DDX53: variants seen among roughly 807,000 people sequenced by gnomAD.
DDX53 encodes the protein DEAD box protein 53.
For synonymous variants in DDX53, 179 were observed against 170.8 expected (o/e 1.05, Z -0.37); for missense variants, 481 against 485.1 (o/e 0.99, Z 0.08).
At position 23,001,555 on chromosome X, in the gene DDX53, A is replaced by C. The variant is rs1933813067; in HGVS notation, c.1498A>C (p.Asn500His). ...CATATCTGCAGAATCATTACATGGC[A>C]ACAGTGAACAGAGTGATCAAGAGCG... ...QGISAESLHG[N>H]SEQSDQERAV... Residue 500 changes from asparagine to histidine, a missense_variant, in exon 1 of 1, where the codon AAC (asparagine) becomes CAC (histidine). Physicochemically the swap from Asn to His is moderately conservative, Grantham distance 68. Transcript: ENST00000327968. 7.4e-6 allele frequency: 9 copies of C among 1,211,166 alleles called. No homozygotes were observed. The highest frequency in any genetic ancestry group is 1.0e-5 in the Non-Finnish European group (9 of 895,146).
In DDX53 at chrX:23,002,223, G is replaced by A. The variant is rs961128879; in HGVS notation, c.*270G>A. The A allele has an allele frequency of 1.3e-5, 3 of 239,472 alleles. No individual in the cohort carries two copies. Among genetic ancestry groups the A allele is most frequent in the Non-Finnish European group, 2.3e-5 (3 of 128,252 alleles). 19.7% of individuals were successfully genotyped at this position (239,472 alleles called of 1,213,427 possible). On this transcript the variant is annotated 3_prime_UTR_variant, in exon 1 of 1. Transcript: ENST00000327968. ...AAATACTTTTATTTTAGGTTTGGGGGTATATGTGAAGGTTTGTTAAAGAAA... is the reference window on the plus strand; with the variant it reads ...AAATACTTTTATTTTAGGTTTGGGGATATATGTGAAGGTTTGTTAAAGAAA...
rs1280997548 is a variant in DDX53 at position 22,999,975 on chromosome X, A to G, written c.-83A>G. 1.2e-6 allele frequency: 1 copy of G among 827,195 alleles called. No homozygotes were observed. Among genetic ancestry groups the G allele is most frequent in the Middle Eastern group, 4.9e-4 (1 of 2,039 alleles). 68.2% of individuals were successfully genotyped at this position (827,195 alleles called of 1,213,427 possible). On this transcript the variant is annotated 5_prime_UTR_variant, in exon 1 of 1. Transcript: ENST00000327968. The stretch of plus-strand genomic sequence containing the variant: ...TGCCACCGCCATCTTTTGGTGCAGA[A>G]GGTGACGGGAAACAGGCCGCAGACC...
chrX:23,000,496 G>A lies in DDX53; in HGVS notation c.439G>A (p.Ala147Thr). The change falls in exon 1 of 1, where the codon GCT becomes ACT. Residue 147 changes from alanine (A) to threonine (T), a missense_variant. Ala to Thr is a moderately conservative substitution (Grantham distance 58). Transcript: ENST00000327968. ...NLGRNDIVGE[A>T]EPLSNWDRIR... is the part of the protein sequence containing the mutation. ...AGGCAGAAATGACATTGTTGGAGAA[G>A]CTGAGCCATTGTCAAATTGGGATCG... 8.3e-7 allele frequency: 1 copy of A among 1,211,930 alleles called. No homozygotes were observed. The highest frequency in any genetic ancestry group is 1.1e-6 in the Non-Finnish European group (1 of 895,527).
Position 22,999,982 on chromosome X carries a change from G to C in DDX53, c.-76G>C. The C allele has an allele frequency of 2.3e-6, 2 of 886,850 alleles. No individual in the cohort carries two copies. The highest frequency in any genetic ancestry group is 5.0e-5 in the South Asian group (1 of 20,123). The allele number at this position is 886,850 out of a possible 1,213,427, so 73.1% of individuals were successfully genotyped here. ...GCCATCTTTTGGTGCAGAAGGTGAC[G>C]GGAAACAGGCCGCAGACCTGAACTT... On this transcript the variant is annotated 5_prime_UTR_variant, in exon 1 of 1. Transcript: ENST00000327968.
In DDX53 at chrX:23,001,647, T is replaced by A; in HGVS notation, c.1590T>A (p.Gly530=). ...ILITTDIVSR[G]LDLNDVTHVY... Reference sequence around the variant, plus strand: ...TTACAACTGATATAGTATCCCGAGGTCTTGATCTTAATGATGTCACACATG... The same window carrying A: ...TTACAACTGATATAGTATCCCGAGGACTTGATCTTAATGATGTCACACATG... Residue 530 remains glycine (G), a synonymous_variant, in exon 1 of 1, where the codon GGT becomes GGA. Transcript: ENST00000327968. 2 of 1,211,040 alleles carry A rather than the reference T, an allele frequency of 1.7e-6. No homozygotes were observed. Among genetic ancestry groups the A allele is most frequent in the Non-Finnish European group, 2.2e-6 (2 of 895,126 alleles).
chrX:23,001,696 A>C lies in DDX53; in HGVS notation c.1639A>C (p.Asn547His), dbSNP rs1933816227. ...TGTATATAATTATGATTTCCCAAGG[A>C]ATATTGACGTATATGTACACAGAGT... Reference protein sequence around the residue: ...THVYNYDFPRNIDVYVHRVGY... With the variant: ...THVYNYDFPRHIDVYVHRVGY... The change falls in exon 1 of 1, where the codon AAT becomes CAT. Residue 547 changes from asparagine (N) to histidine (H), a missense_variant. Physicochemically the swap from Asn to His is moderately conservative, Grantham distance 68. Transcript: ENST00000327968. 3.3e-6 allele frequency: 4 copies of C among 1,211,111 alleles called. No individual in the cohort carries two copies. In the East Asian group the frequency reaches 1.2e-4, roughly 36 times the overall value.
rs1933793524 is a variant in DDX53, at chrX:23,000,596, T to C, written c.539T>C (p.Ile180Thr). The change falls in exon 1 of 1, where the codon ATA becomes ACA. Residue 180 changes from isoleucine to threonine, a missense_variant. Transcript: ENST00000327968. Reference protein sequence around the residue: ...DLPPVKKNFYIESKATSCMSE... With the variant: ...DLPPVKKNFYTESKATSCMSE... ...CCACCAGTTAAGAAAAACTTTTACA[T>C]AGAATCCAAAGCAACAAGCTGCATG... 6 of 1,211,336 alleles carry C rather than the reference T, an allele frequency of 5.0e-6. No individual in the cohort carries two copies. Among genetic ancestry groups the C allele is most frequent in the South Asian group, 1.8e-5 (1 of 56,781 alleles).
In DDX53 at chrX:23,001,764, C is replaced by T. The variant is rs191706712; in HGVS notation, c.1707C>T (p.Thr569=). Residue 569 remains threonine, a synonymous_variant, in exon 1 of 1, where the codon ACC becomes ACT. Transcript: ENST00000327968. ...GRTGKTGTSV[T]LITQRDSKMA... ...CAGGAAAGACTGGCACATCAGTTACCCTCATCACTCAGAGAGATTCGAAAA... is the reference window on the plus strand; with the variant it reads ...CAGGAAAGACTGGCACATCAGTTACTCTCATCACTCAGAGAGATTCGAAAA... The T allele has an allele frequency of 2.0e-4, 239 of 1,209,390 alleles. 1 individual carries two copies. The Admixed American group carries it at 5.1e-3, about 26-fold the overall frequency.
chrX:23,001,856 T>C lies in DDX53; in HGVS notation c.1799T>C (p.Met600Thr). The change falls in exon 1 of 1, where the codon ATG becomes ACG. Residue 600 changes from methionine (M) to threonine (T), a missense_variant. By Grantham distance (81) the Met-to-Thr change is moderately conservative (BLOSUM62 -1). Coordinates refer to ENST00000327968, the MANE Select transcript of DDX53 (RefSeq NM_182699.4). ...AGTGTTCCGGAAGATCTTGTAGTAATGGCTGAGCAATACAAGTTAAATCAA... is the reference window on the plus strand; with the variant it reads ...AGTGTTCCGGAAGATCTTGTAGTAACGGCTGAGCAATACAAGTTAAATCAA... Reference protein sequence around the residue: ...NQSVPEDLVVMAEQYKLNQQK... With the variant: ...NQSVPEDLVVTAEQYKLNQQK... 2 of 1,211,323 alleles carry C rather than the reference T, an allele frequency of 1.7e-6. No homozygotes were observed. The highest frequency in any genetic ancestry group is 2.2e-6 in the Non-Finnish European group (2 of 895,324).
chrX:23,001,988 T>G lies in DDX53; in HGVS notation c.*35T>G, dbSNP rs1315158445. ...CCAGGCTACTGGAAGATTCCAGGCA[T>G]GTTAAAGATATGCAGTATTGAATAT... On this transcript the variant is annotated 3_prime_UTR_variant, in exon 1 of 1. Coordinates refer to ENST00000327968, the MANE Select transcript of DDX53 (RefSeq NM_182699.4). The G allele has an allele frequency of 2.8e-6, 3 of 1,086,760 alleles. No individual in the cohort carries two copies. The highest frequency in any genetic ancestry group is 3.7e-6 in the Non-Finnish European group (3 of 809,555). The allele number at this position is 1,086,760 out of a possible 1,213,427, so 89.6% of individuals were successfully genotyped here.
Position 23,000,957 on chromosome X carries a change from A to C in DDX53, c.900A>C (p.Leu300=), listed in dbSNP as rs1204351966. The C allele has an allele frequency of 8.3e-7, 1 of 1,209,212 alleles. No individual in the cohort carries two copies. Among genetic ancestry groups the C allele is most frequent in the Admixed American group, 2.2e-5 (1 of 45,831 alleles). Residue 300 remains leucine (L), a synonymous_variant, in exon 1 of 1, where the codon CTA becomes CTC. Transcript: ENST00000327968. The part of the protein sequence containing the change: ...SREQRNGPGM[L]VLTPTRELAL... Reference sequence around the variant, plus strand: ...AGCAAAGGAATGGGCCTGGGATGCTAGTCCTTACACCCACTAGAGAGTTGG... The same window carrying C: ...AGCAAAGGAATGGGCCTGGGATGCTCGTCCTTACACCCACTAGAGAGTTGG...
rs778660059 is a variant in DDX53 at position 23,001,735 on chromosome X, C to T, written c.1678C>T (p.Arg560Trp). 9 of 1,208,651 alleles carry T rather than the reference C, an allele frequency of 7.4e-6. No homozygotes were observed. The highest frequency in any genetic ancestry group is 5.9e-5 in the East Asian group (2 of 33,763). Residue 560 changes from arginine to tryptophan, a missense_variant, in exon 1 of 1, where the codon CGG (arginine) becomes TGG (tryptophan). By Grantham distance (101) the Arg-to-Trp change is moderately radical (BLOSUM62 -3). Transcript: ENST00000327968. ...TGTACACAGAGTAGGGTACATTGGA[C>T]GGACAGGAAAGACTGGCACATCAGT... ...VYVHRVGYIG[R>W]TGKTGTSVTL...
rs762816517 is a variant in DDX53 at position 23,001,144 on chromosome X, A to G, written c.1087A>G (p.Asn363Asp). 2 of 1,210,159 alleles carry G rather than the reference A, an allele frequency of 1.7e-6. No individual in the cohort carries two copies. The highest frequency in any genetic ancestry group is 3.5e-5 in the African/African-American group (2 of 57,300). ...PGRLNDLQMN[N>D]SVNLRSITYL... Reference sequence around the variant, plus strand: ...GAGGCTGAATGACCTACAAATGAATAACTCTGTCAACCTAAGAAGCATAAC... The same window carrying G: ...GAGGCTGAATGACCTACAAATGAATGACTCTGTCAACCTAAGAAGCATAAC... The change falls in exon 1 of 1, where the codon AAC becomes GAC. Residue 363 changes from asparagine (N) to aspartate (D), a missense_variant. Asn to Asp is a conservative substitution (Grantham distance 23). Transcript: ENST00000327968.
In DDX53 at chrX:23,001,061, G is replaced by T. The variant is rs373622053; in HGVS notation, c.1004G>T (p.Arg335Ile). 8.3e-7 allele frequency: 1 copy of T among 1,205,825 alleles called. No homozygotes were observed. Among genetic ancestry groups the T allele is most frequent in the Non-Finnish European group, 1.1e-6 (1 of 893,647 alleles). Residue 335 changes from arginine (R) to isoleucine (I), a missense_variant, in exon 1 of 1, where the codon AGA (arginine) becomes ATA (isoleucine). Coordinates refer to ENST00000327968, the MANE Select transcript of DDX53 (RefSeq NM_182699.4). ...ATTTGCATATATGGTGGTAGAAACA[G>T]AAATGGACAAATAGAAGACATTAGC... ...KSICIYGGRN[R>I]NGQIEDISKG...
chrX:23,001,257 C>T lies in DDX53; in HGVS notation c.1200C>T (p.Asp400=). 8.3e-7 allele frequency: 1 copy of T among 1,211,250 alleles called. No individual in the cohort carries two copies. Among genetic ancestry groups the T allele is most frequent in the Non-Finnish European group, 1.1e-6 (1 of 895,214 alleles). Residue 400 remains aspartate, a synonymous_variant, in exon 1 of 1, where the codon GAC becomes GAT. Transcript: ENST00000327968. Reference sequence around the variant, plus strand: ...AGATTTTATTAGATGTGCGCCCAGACCGACAGACTGTTATGACAAGTGCAA... The same window carrying T: ...AGATTTTATTAGATGTGCGCCCAGATCGACAGACTGTTATGACAAGTGCAA... ...IRKILLDVRP[D]RQTVMTSATW...
At position 23,000,210 on chromosome X, in the gene DDX53, C is replaced by G. The variant is rs904513106; in HGVS notation, c.153C>G (p.Leu51=). The G allele has an allele frequency of 1.7e-5, 20 of 1,193,744 alleles. No individual in the cohort carries two copies. The highest frequency in any genetic ancestry group is 2.1e-5 in the Non-Finnish European group (19 of 886,291). Residue 51 remains leucine (L), a synonymous_variant, in exon 1 of 1, where the codon CTC becomes CTG. Coordinates refer to ENST00000327968, the MANE Select transcript of DDX53 (RefSeq NM_182699.4). ...PRAAGSREPP[L]CFKIKNNMVG... The stretch of plus-strand genomic sequence containing the variant: ...CAGCAGGCTCCCGTGAACCACCACT[C>G]TGCTTTAAAATAAAGAACAATATGG...
Position 23,001,642 on chromosome X carries a change from C to T in DDX53, c.1585C>T (p.Arg529Ter), listed in dbSNP as rs1048145182. Reference protein sequence around the residue: ...KILITTDIVSRGLDLNDVTHV... With the variant: ...KILITTDIVS ...ACTGATTACAACTGATATAGTATCC[C>T]GAGGTCTTGATCTTAATGATGTCAC... The change falls in exon 1 of 1, where the codon CGA becomes TGA. Residue 529 changes from arginine (R) to a stop codon, truncating the protein, a stop_gained. Coordinates refer to ENST00000327968, the MANE Select transcript of DDX53 (RefSeq NM_182699.4). LOFTEE classifies it low-confidence loss of function (END_TRUNC). 1 of 1,208,884 alleles carries T rather than the reference C, an allele frequency of 8.3e-7. No individual in the cohort carries two copies. Among genetic ancestry groups the T allele is most frequent in the African/African-American group, 1.8e-5 (1 of 57,074 alleles).
At position 23,001,493 on chromosome X, in the gene DDX53, T is replaced by C; in HGVS notation, c.1436T>C (p.Ile479Thr). 1.7e-6 allele frequency: 2 copies of C among 1,211,780 alleles called. No individual in the cohort carries two copies. The highest frequency in any genetic ancestry group is 2.2e-6 in the Non-Finnish European group (2 of 895,421). Residue 479 changes from isoleucine to threonine, a missense_variant, in exon 1 of 1, where the codon ATT (isoleucine) becomes ACT (threonine). Ile to Thr is a moderately conservative substitution (Grantham distance 89, BLOSUM62 -1). Transcript: ENST00000327968. ...KVIMFVSQKH[I>T]ADDLSSDFNI... ...ATCATGTTTGTCAGCCAAAAACATA[T>C]TGCTGATGACTTGTCAAGCGACTTC...
rs758811136 is a variant in DDX53, at chrX:23,002,908, C to G, written c.*955C>G. On this transcript the variant is annotated 3_prime_UTR_variant, in exon 1 of 1. Transcript: ENST00000327968. The stretch of plus-strand genomic sequence containing the variant: ...TCTTTTCTGCTCTTCTGCCTCCTTC[C>G]ACCCTCCCCCATCAGCTAGACCCCA... The G allele has an allele frequency of 4.1e-5, 5 of 123,361 alleles. No individual in the cohort carries two copies. The Admixed American group carries it at 4.7e-4, about 12-fold the overall frequency. The allele number at this position is 123,361 out of a possible 1,213,427, so 10.2% of individuals were successfully genotyped here. A position where few individuals can be genotyped will look rare whatever the true frequency, so the allele number is the denominator to read the frequency against.
Sources: allele counts gnomAD v4.1 joint callset, GRCh38; gene constraint gnomAD v4.1.1; transcripts MANE v1.5; gene names NCBI Gene and HGNC (gene_info 2026-07-23, HGNC 2026-07-21).